The following ADAM29 variants were observed in gnomAD, a reference collection of about 807,000 sequenced individuals.
ADAM29 encodes the protein ADAM metallopeptidase domain 29.
For missense variants in ADAM29, 969 were observed against 1,001.8 expected (o/e 0.97, Z 0.44); for synonymous variants, 367 against 342.3 (o/e 1.07, Z -0.80).
intron 4 of ADAM29, among the ~76,000 whole-genome samples, chr4:174,951,750 A>C (rs569253600): frequency 7.9e-5 from 12 of 152,156 alleles, no homozygotes; most frequent in Admixed American, 3.3e-4. Context: ...TGCGCTCTCA[A>C]CCATCAGCAG....
Position 174,978,049 on chromosome 4 carries a change from C to A in ADAM29, c.*61C>A, listed in dbSNP as rs543066430. 5 of 1,591,656 alleles carry A rather than the reference C, an allele frequency of 3.1e-6. No individual in the cohort carries two copies. The East Asian group carries it at 1.1e-4, about 36-fold the overall frequency. On this transcript the variant is annotated 3_prime_UTR_variant, in exon 5 of 5. Coordinates refer to ENST00000359240, the MANE Select transcript of ADAM29 (RefSeq NM_014269.4). ...TCCTGTGACGCCCTCCCAGAGCCAACCTCGGGTGACACCCTCCCAGAGTCA... is the reference window on the plus strand; with the variant it reads ...TCCTGTGACGCCCTCCCAGAGCCAAACTCGGGTGACACCCTCCCAGAGTCA...
At chr4:174,924,036 A>G (rs964244566) in intron 2 of ADAM29, 1 of 152,210 alleles carries the variant, frequency 6.6e-6, no homozygotes, top group Non-Finnish European at 1.5e-5. Flanking sequence ...CATTTTCAGG[A>G]TAGAAGACAC....
intron 4 of ADAM29, among the ~76,000 whole-genome samples, chr4:174,970,694 A>G (rs891841243): frequency 2.8e-4 from 42 of 152,156 alleles, no homozygotes; most frequent in Non-Finnish European, 5.6e-4. Context: ...ATAGGAAACT[A>G]ATAGAAAAGC....
chr4:174,969,606 T>A (rs1165976791), intron 4 of ADAM29, among the ~76,000 whole-genome samples: 3 of 152,000 alleles, frequency 2.0e-5, no homozygotes, highest in Non-Finnish European at 4.4e-5. Flanking sequence ...GGAATATTTA[T>A]AGTAATGTAC....
At position 174,975,744 on chromosome 4, in the gene ADAM29, G is replaced by A. The variant is rs759542611; in HGVS notation, c.219G>A (p.Leu73=). 5.6e-6 allele frequency: 9 copies of A among 1,612,996 alleles called. No homozygotes were observed. The highest frequency in any genetic ancestry group is 7.6e-6 in the Non-Finnish European group (9 of 1,179,676). Reference sequence around the variant, plus strand: ...TCCACATAAAGGTCAAGAAGCTTTTGTTTTCCAAACACCTCCCTGTGTTCA... The same window carrying A: ...TCCACATAAAGGTCAAGAAGCTTTTATTTTCCAAACACCTCCCTGTGTTCA... ...HIIHIKVKKL[L]FSKHLPVFTY... is the part of the protein sequence containing the mutation. The change falls in exon 5 of 5, where the codon TTG becomes TTA. Residue 73 remains leucine, a synonymous_variant. Coordinates refer to ENST00000359240, the MANE Select transcript of ADAM29 (RefSeq NM_014269.4).
intron 2 of ADAM29, among the ~76,000 whole-genome samples, chr4:174,928,821 T>G (rs1244947742): frequency 6.6e-6 from 1 of 152,152 alleles, no homozygotes; most frequent in Middle Eastern, 3.2e-3. Flanking sequence ...AGGCACTCCA[T>G]CTTTCTTGGT....
chr4:174,941,283 A>T (rs770405063), intron 4 of ADAM29, among the ~76,000 whole-genome samples: 1 of 152,194 alleles, frequency 6.6e-6, no homozygotes, highest in Non-Finnish European at 1.5e-5. Context: ...CAATCACCTG[A>T]TGTGTCTGAT....
At chr4:174,965,279 T>G (rs904550360) in intron 4 of ADAM29, among the ~76,000 whole-genome samples, 1 of 152,030 alleles carries the variant, frequency 6.6e-6, no homozygotes, top group African/African-American at 2.4e-5. Context: ...AGACCCTTTT[T>G]GAACAACCAG....
At position 174,977,866 on chromosome 4, in the gene ADAM29, GTGATGCCTTCCCAGAGTCATCCTCAGT is replaced by G. The variant is rs1306711079; in HGVS notation, c.2345_2371del (p.Met782_Leu790del). ...GATGCCTTCTCAGAGTCAACCTCCT[GTGATGCCTTCCCAGAGTCATCCTCAGT>G]TGACGCCTTCCCAGAGTCAACCTCC... On this transcript the variant is annotated inframe_deletion, in exon 5 of 5. Coordinates refer to ENST00000359240, the MANE Select transcript of ADAM29 (RefSeq NM_014269.4). 1.9e-6 allele frequency: 3 copies of G among 1,586,898 alleles called. No homozygotes were observed. Among genetic ancestry groups the G allele is most frequent in the Admixed American group, 3.4e-5 (2 of 58,228 alleles).
chr4:174,921,073 T>G (rs1743136519), intron 2 of ADAM29, among the ~76,000 whole-genome samples: 1 of 152,094 alleles, frequency 6.6e-6, no homozygotes, highest in African/African-American at 2.4e-5. Flanking sequence ...CAGTCTTTGG[T>G]TCTACAGTAA....
chr4:174,939,282 AG>A (rs1409100014), intron 4 of ADAM29, among the ~76,000 whole-genome samples: 2 of 152,256 alleles, frequency 1.3e-5, no homozygotes, highest in Admixed American at 6.6e-5. Context: ...TCCTTTTCTA[AG>A]AGCCCACATC....
At chr4:174,968,687 T>G (rs1353963216) in intron 4 of ADAM29, among the ~76,000 whole-genome samples, 1 of 152,146 alleles carries the variant, frequency 6.6e-6, no homozygotes, top group Non-Finnish European at 1.5e-5. Context: ...ATCAACTTTG[T>G]ACTTCTTTAT....
At chr4:174,966,134 A>G (rs1746145604) in intron 4 of ADAM29, among the ~76,000 whole-genome samples, 1 of 152,214 alleles carries the variant, frequency 6.6e-6, no homozygotes, top group Admixed American at 6.5e-5. Context: ...AGTGCTGTGT[A>G]AATATTTGCT....
chr4:174,970,691 A>T (rs1287923807), intron 4 of ADAM29, among the ~76,000 whole-genome samples: 1 of 152,140 alleles, frequency 6.6e-6, no homozygotes, highest in East Asian at 1.9e-4. Flanking sequence ...GCCATAGGAA[A>T]CTAATAGAAA....
intron 4 of ADAM29, among the ~76,000 whole-genome samples, chr4:174,966,111 C>T (rs1405125923): frequency 6.6e-6 from 1 of 152,170 alleles, no homozygotes; most frequent in Non-Finnish European, 1.5e-5. Context: ...CTTATAATAC[C>T]TAACACAATG....
chr4:174,952,717 T>C (rs1745258850), intron 4 of ADAM29, among the ~76,000 whole-genome samples: 1 of 138,118 alleles, frequency 7.2e-6, no homozygotes, highest in Non-Finnish European at 1.6e-5. Flanking sequence ...GTCGTTCACC[T>C]CTAGTGTGAA....
chr4:174,957,008 C>G (rs1025655232), intron 4 of ADAM29, among the ~76,000 whole-genome samples: 45 of 151,840 alleles, frequency 3.0e-4, no homozygotes, highest in Admixed American at 3.9e-4. Flanking sequence ...CCTTTCTTTG[C>G]GTGCATCCAA....
intron 4 of ADAM29, among the ~76,000 whole-genome samples, chr4:174,939,681 C>A (rs886923397): frequency 9.2e-5 from 14 of 151,970 alleles, no homozygotes; most frequent in African/African-American, 2.4e-5. Context: ...AAAATCAGGA[C>A]CTCATGGAAA....
chr4:174,932,967 G>A (rs554394349), intron 3 of ADAM29, among the ~76,000 whole-genome samples: 2 of 152,242 alleles, frequency 1.3e-5, no homozygotes, highest in Non-Finnish European at 2.9e-5. Flanking sequence ...GATTTGGAAC[G>A]TCCTCACAGA....
Sources: gnomAD v4.1 joint callset for allele counts (sites outside exome capture counted in the v4.1 genomes callset) on GRCh38, gnomAD v4.1.1 for gene constraint, MANE v1.5 for transcripts, NCBI Gene and HGNC (gene_info 2026-07-23, HGNC 2026-07-21) for gene names.